The following ADAD1 variants were observed in gnomAD, a reference collection of about 807,000 sequenced individuals.
ADAD1 encodes adenosine deaminase domain containing 1.
In ADAD1, 46 loss-of-function variants were observed where a neutral mutation model predicts 66.8. The observed-to-expected ratio is 0.69, with a 90% CI of 0.54 to 0.88. The LOEUF (loss-of-function observed/expected upper bound fraction) is 0.88, where lower values mean the gene tolerates loss of function less well. Among genes scored for constraint, ADAD1 ranks in the 40% least tolerant of loss-of-function variants. The pLI is 0.00. For missense variants in ADAD1, 617 were observed against 681.8 expected, an observed-to-expected ratio of 0.91 and a Z score of 1.06; for synonymous variants, 248 against 229.4, an observed-to-expected ratio of 1.08 and a Z score of -0.73.
intron 7 of ADAD1, among the ~76,000 whole-genome samples, chr4:122,401,615 T>C (rs61363660): frequency 0.011 from 1,691 of 152,244 alleles, 28 homozygotes; most frequent in African/African-American, 0.038. Context: ...CGACTATTAT[T>C]GTGTTGCCGT....
intron 7 of ADAD1, among the ~76,000 whole-genome samples, chr4:122,403,361 C>T (rs1188849977): frequency 2.6e-5 from 4 of 152,140 alleles, no homozygotes; most frequent in Non-Finnish European, 5.9e-5. Context: ...GGTCTCCCAG[C>T]CATAAATACC....
At chr4:122,380,026 T>A in intron 2 of ADAD1, 36 bp from the exon 3 acceptor site, 1 of 1,568,764 alleles carries the variant, frequency 6.4e-7, no homozygotes, top group Non-Finnish European at 8.6e-7. Context: ...CATAGCGTTT[T>A]GTCTTGTTTT....
chr4:122,417,420 C>CA (rs78766740), intron 11 of ADAD1, among the ~76,000 whole-genome samples: 56 of 142,646 alleles, frequency 3.9e-4, no homozygotes, highest in Non-Finnish European at 5.1e-4. Context: ...TACAATAAGA[C>CA]AAAAAAAACC....
intron 11 of ADAD1, among the ~76,000 whole-genome samples, chr4:122,419,700 A>G (rs1318889424): frequency 6.6e-6 from 1 of 152,240 alleles, no homozygotes; most frequent in African/African-American, 2.4e-5. Context: ...TTCTAGGAAT[A>G]CTAAGATAGT....
At chr4:122,418,964 G>A (rs1796882243) in intron 11 of ADAD1, among the ~76,000 whole-genome samples, 1 of 152,166 alleles carries the variant, frequency 6.6e-6, no homozygotes, top group Non-Finnish European at 1.5e-5. Flanking sequence ...GTGGAAGACA[G>A]TGTGGCAATT....
At chr4:122,383,236 T>G (rs1013644242) in intron 4 of ADAD1, among the ~76,000 whole-genome samples, 4 of 152,132 alleles carry the variant, frequency 2.6e-5, no homozygotes, top group Admixed American at 2.6e-4. Flanking sequence ...CCACCTCCTC[T>G]CCCACTCCCC....
chr4:122,404,340 G>A (rs1560591558), intron 7 of ADAD1, among the ~76,000 whole-genome samples: 1 of 152,142 alleles, frequency 6.6e-6, no homozygotes, highest in Non-Finnish European at 1.5e-5. Flanking sequence ...ACTTCCATAG[G>A]CTGGGGACTG....
chr4:122,409,814 C>G (rs1796388916), intron 8 of ADAD1, among the ~76,000 whole-genome samples: 1 of 152,128 alleles, frequency 6.6e-6, no homozygotes, highest in South Asian at 2.1e-4. Context: ...ATTCTCCTGC[C>G]TCAGCCTCCC....
chr4:122,403,667 G>A lies in ADAD1; in HGVS notation c.725-4241G>A, dbSNP rs982162903. ...CAAGAGGGCACCATCTGTCGTAGGA[G>A]AATGGGGGGATATAAGCTTGCCCTA... On this transcript the variant is annotated intron_variant, in intron 7 of 12. Transcript: ENST00000296513. 3.9e-5 allele frequency among the ~76,000 whole-genome samples: 6 copies of A among 152,138 alleles called. No individual in the cohort carries two copies. The East Asian group carries it at 7.7e-4, about 20-fold the overall frequency.
intron 5 of ADAD1, 124 bp downstream of exon 5, chr4:122,384,090 ATTTAT>A (rs1795044015): frequency 2.1e-6 from 2 of 939,320 alleles, no homozygotes; most frequent in South Asian, 4.1e-5. Flanking sequence ...GATTTGAATA[ATTTAT>A]TTCAGTTGCT....
intron 5 of ADAD1, among the ~76,000 whole-genome samples, chr4:122,393,036 A>ATTT (rs34759757): frequency 4.1e-5 from 5 of 123,106 alleles, no homozygotes; most frequent in African/African-American, 1.2e-4. Context: ...AATTTTCCTG[A>ATTT]TTTTTTTTTT....
At chr4:122,428,695 A>C (rs1797371470) in intron 12 of ADAD1, among the ~76,000 whole-genome samples, 1 of 152,206 alleles carries the variant, frequency 6.6e-6, no homozygotes, top group African/African-American at 2.4e-5. Context: ...TTTTAGAAAA[A>C]GCAAAACTCT....
chr4:122,392,393 T>C (rs373386843), intron 5 of ADAD1, among the ~76,000 whole-genome samples: 1 of 152,170 alleles, frequency 6.6e-6, no homozygotes, highest in Non-Finnish European at 1.5e-5. Flanking sequence ...AGTCATGTCC[T>C]TTGCAGCAAC....
At chr4:122,428,589 A>G (rs1331556403) in intron 12 of ADAD1, among the ~76,000 whole-genome samples, 1 of 152,240 alleles carries the variant, frequency 6.6e-6, no homozygotes, top group Non-Finnish European at 1.5e-5. Context: ...TCAGCAATAA[A>G]AAGGAACAAG....
chr4:122,413,049 C>T (rs1056369327), intron 10 of ADAD1, among the ~76,000 whole-genome samples: 2 of 152,066 alleles, frequency 1.3e-5, no homozygotes, highest in South Asian at 2.1e-4. Flanking sequence ...TTGTAGTGAC[C>T]GTCCAGCTGG....
At chr4:122,413,519 C>A (rs1346314999) in intron 10 of ADAD1, among the ~76,000 whole-genome samples, 1 of 151,908 alleles carries the variant, frequency 6.6e-6, no homozygotes, top group Non-Finnish European at 1.5e-5. Context: ...AATTTGGTAA[C>A]CCCATTACAA....
At chr4:122,405,582 AC>A (rs995221164) in intron 7 of ADAD1, among the ~76,000 whole-genome samples, 4 of 152,182 alleles carry the variant, frequency 2.6e-5, no homozygotes, top group Non-Finnish European at 4.4e-5. Flanking sequence ...CTCCTGGTCT[AC>A]CTGCTCTCCA....
chr4:122,383,361 G>A (rs1233499005), intron 4 of ADAD1, among the ~76,000 whole-genome samples: 1 of 152,128 alleles, frequency 6.6e-6, no homozygotes, highest in African/African-American at 2.4e-5. Flanking sequence ...GCAATCCAAG[G>A]GGTGGGGGAA....
intron 12 of ADAD1, among the ~76,000 whole-genome samples, chr4:122,429,142 CAA>C (rs1797395410): frequency 6.8e-6 from 1 of 148,086 alleles, no homozygotes. Flanking sequence ...AAAAAAAGAA[CAA>C]GAAGAAAAAC....
Sources: allele counts gnomAD v4.1 joint callset (sites outside exome capture counted in the v4.1 genomes callset), GRCh38; gene constraint gnomAD v4.1.1; transcripts MANE v1.5; gene names NCBI Gene and HGNC (gene_info 2026-07-23, HGNC 2026-07-21).